Variants in R3HCC1L observed in about 807,000 individuals in gnomAD.
R3HCC1L encodes R3H domain and coiled-coil containing 1 like.
A neutral mutation model predicts 59.9 loss-of-function variants in R3HCC1L; 51 were observed. The ratio of observed to expected loss-of-function variants is 0.85; its 90% confidence interval spans 0.68 to 1.07. R3HCC1L has a LOEUF of 1.07. R3HCC1L is among the 50% of genes least tolerant of loss of function. R3HCC1L has a pLI of 0.00. For synonymous variants in R3HCC1L, 322 were observed against 315.2 expected (o/e 1.02, Z -0.23); for missense variants, 965 against 933.0 (o/e 1.03, Z -0.45).
chr10:98,239,376 T>C (rs531283031), intron 9 of R3HCC1L, among the ~76,000 whole-genome samples: 1 of 152,308 alleles, frequency 6.6e-6, no homozygotes, highest in Non-Finnish European at 1.5e-5. Flanking sequence ...AGAATTAGCA[T>C]GGGAATTGAA....
intron 4 of R3HCC1L, among the ~76,000 whole-genome samples, chr10:98,167,688 G>A (rs1848095309): frequency 6.6e-6 from 1 of 152,164 alleles, no homozygotes; most frequent in African/African-American, 2.4e-5. Flanking sequence ...TAGATGCAGG[G>A]ACTTTGAAAT....
chr10:98,138,703 C>T lies in R3HCC1L; in HGVS notation c.-268+3997C>T, dbSNP rs138437509. Among the ~76,000 whole-genome samples, 60 of 152,168 alleles carry T rather than the reference C, an allele frequency of 3.9e-4. 1 individual carries two copies. In the East Asian group the frequency reaches 0.012, roughly 29 times the overall value. Reference sequence around the variant, plus strand: ...ACATTTTGTTGATTGTCCTAGGTCACTGAGGTGCACTCTGGAGAGGCCATG... The same window carrying T: ...ACATTTTGTTGATTGTCCTAGGTCATTGAGGTGCACTCTGGAGAGGCCATG... On this transcript the variant is annotated intron_variant, in intron 1 of 9. Transcript: ENST00000298999.
intron 9 of R3HCC1L, 151 bp from the exon 10 acceptor site, chr10:98,243,940 G>T: frequency 1.7e-6 from 1 of 591,918 alleles, no homozygotes; most frequent in Non-Finnish European, 3.0e-6. Context: ...AAGCACTTAG[G>T]AAATTAAAGG....
intron 5 of R3HCC1L, among the ~76,000 whole-genome samples, chr10:98,210,547 A>G (rs1440005923): frequency 6.6e-6 from 1 of 152,200 alleles, no homozygotes; most frequent in Non-Finnish European, 1.5e-5. Context: ...TCTGTATCCA[A>G]CATTTAAATT....
chr10:98,209,065 G>T lies in R3HCC1L; in HGVS notation c.951G>T (p.Leu317=). The T allele has an allele frequency of 6.2e-7, 1 of 1,613,888 alleles. No individual in the cohort carries two copies. The highest frequency in any genetic ancestry group is 8.5e-7 in the Non-Finnish European group (1 of 1,179,842). ...SIPATMGHIS[L]SESTNDTVSP... ...CTGCAACTATGGGTCACATCTCTCT[G>T]TCAGAGAGCACAAATGACACTGTTA... The change falls in exon 5 of 10, where the codon CTG becomes CTT. Residue 317 remains leucine, a synonymous_variant. Transcript: ENST00000298999.
At chr10:98,194,964 G>C (rs1349822637) in intron 4 of R3HCC1L, among the ~76,000 whole-genome samples, 2 of 152,056 alleles carry the variant, frequency 1.3e-5, no homozygotes, top group African/African-American at 4.8e-5. Context: ...TCCCACTACT[G>C]GGTATATATT....
chr10:98,234,832 T>G (rs1451334343), intron 7 of R3HCC1L, among the ~76,000 whole-genome samples: 1 of 152,170 alleles, frequency 6.6e-6, no homozygotes, highest in Middle Eastern at 3.2e-3. Context: ...TGGTGATTTT[T>G]TTTTTCCATC....
intron 2 of R3HCC1L, among the ~76,000 whole-genome samples, chr10:98,157,049 A>G (rs1460639013): frequency 6.6e-6 from 1 of 152,208 alleles, no homozygotes; most frequent in Non-Finnish European, 1.5e-5. Flanking sequence ...TAGATTGGAA[A>G]TATTTTTCTT....
intron 5 of R3HCC1L, among the ~76,000 whole-genome samples, chr10:98,223,838 T>G (rs78524376): frequency 1.2e-3 from 176 of 152,286 alleles, no homozygotes; most frequent in African/African-American, 3.9e-3. Context: ...GGCTGATCCT[T>G]AGGCCTCCAG....
At chr10:98,140,992 A>G (rs1218118740) in intron 1 of R3HCC1L, among the ~76,000 whole-genome samples, 1 of 152,112 alleles carries the variant, frequency 6.6e-6, no homozygotes, top group Admixed American at 6.5e-5. Flanking sequence ...TCTAAACATA[A>G]CATAATGAGG....
At chr10:98,214,305 G>A (rs974060583) in intron 5 of R3HCC1L, among the ~76,000 whole-genome samples, 2 of 152,138 alleles carry the variant, frequency 1.3e-5, no homozygotes, top group Non-Finnish European at 2.9e-5. Flanking sequence ...CCTTGGCAGT[G>A]CTTGTTTCAG....
intron 4 of R3HCC1L, among the ~76,000 whole-genome samples, chr10:98,197,762 T>C (rs1416073791): frequency 6.6e-6 from 1 of 152,154 alleles, no homozygotes; most frequent in African/African-American, 2.4e-5. Context: ...TATAAAGCAG[T>C]ATGATAATTG....
chr10:98,233,200 A>G (rs148039358), intron 6 of R3HCC1L, among the ~76,000 whole-genome samples: 54 of 152,306 alleles, frequency 3.5e-4, no homozygotes, highest in African/African-American at 1.3e-3. Context: ...GTTGATGTCT[A>G]GAATTTCTTG....
chr10:98,234,417 G>A (rs779904251), intron 6 of R3HCC1L, 29 bp from the exon 7 acceptor site: 1 of 1,578,524 alleles, frequency 6.3e-7, no homozygotes, highest in Non-Finnish European at 8.7e-7. Flanking sequence ...TTTTATTTTA[G>A]GAAATAAAAT....
At chr10:98,232,813 A>C (rs968027121) in intron 6 of R3HCC1L, among the ~76,000 whole-genome samples, 1 of 152,238 alleles carries the variant, frequency 6.6e-6, no homozygotes, top group South Asian at 2.1e-4. Flanking sequence ...TACATAAATG[A>C]GCATGGCTGT....
At chr10:98,176,030 A>T (rs1423279498) in intron 4 of R3HCC1L, among the ~76,000 whole-genome samples, 1 of 151,660 alleles carries the variant, frequency 6.6e-6, no homozygotes, top group Non-Finnish European at 1.5e-5. Context: ...TTTTGGAAAG[A>T]CTCTCTTTTT....
At chr10:98,137,874 TC>T (rs1844747762) in intron 1 of R3HCC1L, among the ~76,000 whole-genome samples, 1 of 152,240 alleles carries the variant, frequency 6.6e-6, no homozygotes, top group African/African-American at 2.4e-5. Context: ...AGTTTTGTCT[TC>T]CTGCCTTATT....
chr10:98,152,463 G>T (rs1420299641), intron 1 of R3HCC1L, among the ~76,000 whole-genome samples: 1 of 142,444 alleles, frequency 7.0e-6, no homozygotes, highest in African/African-American at 2.5e-5. Context: ...AATCTGGGAA[G>T]TGAGGAGCGC....
At chr10:98,230,651 T>C (rs1215165243) in intron 5 of R3HCC1L, among the ~76,000 whole-genome samples, 2 of 152,234 alleles carry the variant, frequency 1.3e-5, no homozygotes, top group Admixed American at 1.3e-4. Flanking sequence ...CTTCTCTAGT[T>C]CTTTTAATTG....
Sources: allele counts gnomAD v4.1 joint callset (sites outside exome capture counted in the v4.1 genomes callset), GRCh38; gene constraint gnomAD v4.1.1; transcripts MANE v1.5; gene names NCBI Gene and HGNC (gene_info 2026-07-23, HGNC 2026-07-21).